The following OCM variants were observed in gnomAD, a reference collection of about 807,000 sequenced individuals.
The protein encoded by OCM is oncomodulin, also known as oncomodulin-1.
Under a neutral mutation model 14.1 loss-of-function variants are expected in OCM, and 18 were observed. The observed-to-expected ratio is 1.28, with a 90% CI of 0.88 to 1.89. OCM has a LOEUF of 1.89. Among genes scored for constraint, OCM ranks in the 40% most tolerant of loss-of-function variants. The pLI is 0.00. For missense variants in OCM, 140 were observed against 137.6 expected (o/e 1.02, Z -0.09); for synonymous variants, 48 against 51.0 (o/e 0.94, Z 0.25).
chr7:5,876,015 T>C (rs1781087930), upstream of OCM, among the ~76,000 whole-genome samples: 1 of 151,854 alleles, frequency 6.6e-6, no homozygotes, highest in Non-Finnish European at 1.5e-5. Flanking sequence ...ATTATTATTT[T>C]TTTTTCCGAG....
At chr7:5,864,155 C>G in the OCM span, among the ~76,000 whole-genome samples, 1 of 151,546 alleles carries the variant, frequency 6.6e-6, no homozygotes, top group Non-Finnish European at 1.5e-5. Context: ...GCCTGGGCAA[C>G]ATGATGAGAT....
At chr7:5,869,825 G>A in the OCM span, among the ~76,000 whole-genome samples, 47 of 152,152 alleles carry the variant, frequency 3.1e-4, no homozygotes, top group African/African-American at 9.9e-4. Context: ...TCAACTTGCC[G>A]GGTCCATCCT....
At chr7:5,880,763 TA>T (rs201796201), upstream of OCM, 8,938 of 710,112 alleles carry the variant, frequency 0.013, no homozygotes, top group East Asian at 0.021. Flanking sequence ...CGTCTTAATT[TA>T]AAAAAAAAAA....
At chr7:5,869,702 A>G in the OCM span, among the ~76,000 whole-genome samples, 90 of 152,104 alleles carry the variant, frequency 5.9e-4, no homozygotes, top group South Asian at 4.2e-3. Flanking sequence ...ACCTGCTCCC[A>G]CCTGCGTTAC....
the OCM span, among the ~76,000 whole-genome samples, chr7:5,869,261 AC>A: frequency 6.6e-6 from 1 of 151,850 alleles, no homozygotes; most frequent in Non-Finnish European, 1.5e-5. Flanking sequence ...CTGTGAACAT[AC>A]CCCTTCCCCA....
the OCM span, among the ~76,000 whole-genome samples, chr7:5,866,625 G>C: frequency 6.6e-6 from 1 of 152,248 alleles, no homozygotes; most frequent in Non-Finnish European, 1.5e-5. Flanking sequence ...TCTGACATCT[G>C]ACCTGTGTAC....
At chr7:5,862,332 A>G in the OCM span, among the ~76,000 whole-genome samples, 1 of 152,090 alleles carries the variant, frequency 6.6e-6, no homozygotes, top group African/African-American at 2.4e-5. Context: ...AGCCTCATGC[A>G]TAAGCCAGGT....
rs1380386128 is a variant in OCM at position 5,880,979 on chromosome 7, T to A, written c.61+29T>A. On this transcript the variant is annotated intron_variant, in intron 1 of 3. Transcript: ENST00000242104. ...GAGGGGACGTGAGGCGGGGGTGGGA[T>A]TTCCTCACAGCTTTGCACCTCCAGC... 8 of 1,604,108 alleles carry A rather than the reference T, an allele frequency of 5.0e-6. No individual in the cohort carries two copies. The South Asian group carries it at 8.8e-5, about 18-fold the overall frequency.
At chr7:5,877,674 C>T (rs1366314576), upstream of OCM, among the ~76,000 whole-genome samples, 1 of 150,466 alleles carries the variant, frequency 6.6e-6, no homozygotes, top group Non-Finnish European at 1.5e-5. Flanking sequence ...GCAAAAATTA[C>T]CCAGGTGTGG....
intron 1 of OCM, among the ~76,000 whole-genome samples, chr7:5,881,722 T>C (rs573465311): frequency 6.6e-6 from 1 of 152,046 alleles, no homozygotes; most frequent in Admixed American, 6.6e-5. Flanking sequence ...ACTAAAATTA[T>C]AGAGATCTGG....
At chr7:5,878,099 T>C (rs1265312362), upstream of OCM, among the ~76,000 whole-genome samples, 1 of 151,106 alleles carries the variant, frequency 6.6e-6, no homozygotes, top group Non-Finnish European at 1.5e-5. Context: ...GCCTCCCAAG[T>C]AGCTGGGATT....
chr7:5,861,218 T>TC, the OCM span, among the ~76,000 whole-genome samples: 1 of 152,000 alleles, frequency 6.6e-6, no homozygotes. Context: ...GGTCAGGAGT[T>TC]CGAGACCAGC....
rs1781333584 is a variant in OCM at position 5,886,195 on chromosome 7, T to A, written c.*106T>A. 1.5e-6 allele frequency: 2 copies of A among 1,324,842 alleles called. No homozygotes were observed. The highest frequency in any genetic ancestry group is 4.7e-5 in the East Asian group (2 of 42,434). The allele number at this position is 1,324,842 out of a possible 1,614,324, so 82.1% of individuals were successfully genotyped here. A position where few individuals can be genotyped will look rare whatever the true frequency, so the allele number is the denominator to read the frequency against. On this transcript the variant is annotated 3_prime_UTR_variant, in exon 4 of 4. Coordinates refer to ENST00000242104, the MANE Select transcript of OCM (RefSeq NM_001097622.2). ...ATCCCATCCCTACCTAATTTGTTAA[T>A]TTTCCCTGAAAACCTTCTGCAGTTT...
upstream of OCM, among the ~76,000 whole-genome samples, chr7:5,876,283 C>T (rs767694953): frequency 2.0e-5 from 3 of 152,128 alleles, no homozygotes; most frequent in African/African-American, 2.4e-5. Flanking sequence ...GGATTACAGG[C>T]GTGCGCCACT....
At chr7:5,871,196 A>G in the OCM span, among the ~76,000 whole-genome samples, 2 of 145,846 alleles carry the variant, frequency 1.4e-5, no homozygotes, top group African/African-American at 5.6e-5. Flanking sequence ...TCTACAAAAA[A>G]TAAAATAAAT....
intron 1 of OCM, 82 bp downstream of exon 1, chr7:5,881,032 C>A: frequency 7.0e-7 from 1 of 1,434,034 alleles, no homozygotes; most frequent in Non-Finnish European, 9.8e-7. Flanking sequence ...AAATGTAGGC[C>A]AGGCGGCCAG....
At chr7:5,881,887 G>C (rs1781222276) in intron 1 of OCM, among the ~76,000 whole-genome samples, 1 of 151,784 alleles carries the variant, frequency 6.6e-6, no homozygotes, top group Non-Finnish European at 1.5e-5. Flanking sequence ...AGGAGTTCAA[G>C]ACCAACCTGG....
At chr7:5,870,882 TTGA>T in the OCM span, among the ~76,000 whole-genome samples, 4 of 140,974 alleles carry the variant, frequency 2.8e-5, no homozygotes, top group Admixed American at 2.8e-4. Flanking sequence ...ATCACGCTAA[TTGA>T]TGAGTATCTT....
the OCM span, among the ~76,000 whole-genome samples, chr7:5,871,316 C>G: frequency 6.7e-6 from 1 of 148,850 alleles, no homozygotes; most frequent in African/African-American, 2.5e-5. Context: ...GATTGAACCA[C>G]AGCACTCAAG....
Sources: gnomAD v4.1 joint callset for allele counts (sites outside exome capture counted in the v4.1 genomes callset) on GRCh38, gnomAD v4.1.1 for gene constraint, MANE v1.5 for transcripts, NCBI Gene and HGNC (gene_info 2026-07-23, HGNC 2026-07-21) for gene names.